Variants in NRG2 observed in about 807,000 individuals in gnomAD.
The protein encoded by NRG2 is pro-neuregulin-2, membrane-bound isoform.
A neutral mutation model predicts 73.9 loss-of-function variants in NRG2; 27 were observed. The observed-to-expected ratio is 0.37, with a 90% confidence interval of 0.27 to 0.50. The LOEUF is 0.50. Among genes scored for constraint, NRG2 ranks in the 20% least tolerant of loss-of-function variants. The pLI, the probability that NRG2 is intolerant of heterozygous loss-of-function variation, is 0.96. For synonymous variants in NRG2, 532 were observed against 541.0 expected (o/e 0.98, Z 0.23); for missense variants, 1,126 against 1,210.1 (o/e 0.93, Z 1.03).
intron 1 of NRG2, among the ~76,000 whole-genome samples, chr5:140,028,283 T>C (rs560112077): frequency 1.3e-5 from 2 of 152,384 alleles, no homozygotes; most frequent in Admixed American, 1.3e-4. Context: ...AGGAACTCTG[T>C]ACTATTTTTG....
intron 1 of NRG2, among the ~76,000 whole-genome samples, chr5:139,977,830 A>G (rs1369797494): frequency 6.6e-6 from 1 of 152,214 alleles, no homozygotes; most frequent in Non-Finnish European, 1.5e-5. Flanking sequence ...CCTGACAAAA[A>G]CAAGAAATGG....
chr5:139,926,074 C>T (rs1223475530), intron 1 of NRG2, among the ~76,000 whole-genome samples: 1 of 152,230 alleles, frequency 6.6e-6, no homozygotes, highest in East Asian at 1.9e-4. Flanking sequence ...GCCCCTAACA[C>T]AGCAACAGGG....
intron 3 of NRG2, among the ~76,000 whole-genome samples, chr5:139,872,105 G>A (rs1438931232): frequency 1.3e-5 from 2 of 152,204 alleles, no homozygotes; most frequent in East Asian, 3.8e-4. Flanking sequence ...TTCTTTTGTG[G>A]GGGGAGCAGG....
At chr5:140,034,646 A>G (rs1430729169) in intron 1 of NRG2, among the ~76,000 whole-genome samples, 2 of 152,226 alleles carry the variant, frequency 1.3e-5, no homozygotes, top group East Asian at 1.9e-4. Context: ...TCAGGTCACA[A>G]CATACAAAGT....
At chr5:140,015,355 A>G (rs1347645790) in intron 1 of NRG2, among the ~76,000 whole-genome samples, 2 of 152,138 alleles carry the variant, frequency 1.3e-5, no homozygotes, top group South Asian at 2.1e-4. Context: ...GATAAGCCCA[A>G]TGTAATGCCT....
chr5:140,011,911 A>G (rs1433295859), intron 1 of NRG2, among the ~76,000 whole-genome samples: 2 of 152,226 alleles, frequency 1.3e-5, no homozygotes, highest in African/African-American at 4.8e-5. Context: ...ACATTTCTTA[A>G]TACTTTCTTC....
chr5:139,876,683 C>T (rs753334531), intron 3 of NRG2, among the ~76,000 whole-genome samples: 4 of 152,008 alleles, frequency 2.6e-5, no homozygotes, highest in Admixed American at 6.6e-5. Flanking sequence ...ATGGAGAAAA[C>T]TTCTGCTTGT....
intron 1 of NRG2, among the ~76,000 whole-genome samples, chr5:140,011,114 G>C (rs1214600901): frequency 6.6e-6 from 1 of 152,198 alleles, no homozygotes; most frequent in Non-Finnish European, 1.5e-5. Context: ...AAAGAGTAAA[G>C]ACTAAACTTC....
At chr5:140,005,199 A>G (rs1188717612) in intron 1 of NRG2, among the ~76,000 whole-genome samples, 1 of 152,198 alleles carries the variant, frequency 6.6e-6, no homozygotes, top group Non-Finnish European at 1.5e-5. Flanking sequence ...AGCTTGAAGT[A>G]TCTGTCTTCC....
rs201360841 is a variant in NRG2, at chr5:139,881,033, C to T, written c.873-59G>A. On this transcript the variant is annotated intron_variant, in intron 2 of 9. Transcript: ENST00000361474. ...TGAGCCAGGGCCGGCTGTGGCTCCC[C>T]AGCAGTCACCCAGCGGTTGCCTCTC... The T allele has an allele frequency of 1.5e-3, 2,078 of 1,422,092 alleles. 1 individual carries two copies. Among genetic ancestry groups the T allele is most frequent in the Non-Finnish European group, 1.8e-3 (1,808 of 1,006,610 alleles). The allele number at this position is 1,422,092 out of a possible 1,614,324, so 88.1% of individuals were successfully genotyped here.
At chr5:139,882,126 G>C (rs997918700) in intron 2 of NRG2, among the ~76,000 whole-genome samples, 4 of 152,166 alleles carry the variant, frequency 2.6e-5, no homozygotes, top group Non-Finnish European at 5.9e-5. Flanking sequence ...ATGTGTAGTG[G>C]GCTGGAGAGA....
rs1581754955 is a variant in NRG2 at position 139,848,474 on chromosome 5, G to A, written c.1996C>T (p.Pro666Ser). 1.5e-6 allele frequency: 2 copies of A among 1,333,398 alleles called. No individual in the cohort carries two copies. Among genetic ancestry groups the A allele is most frequent in the African/African-American group, 1.7e-5 (1 of 58,860 alleles). 82.6% of individuals were successfully genotyped at this position (1,333,398 alleles called of 1,614,324 possible). A position where few individuals can be genotyped will look rare whatever the true frequency, so the allele number is the denominator to read the frequency against. ...TAGCTGCGCTGCATGTCTGCGCCGG[G>A]CCCGGGCCCGGGCCCGGGTCCGGGT... ...PGPGPGPGPG[P>S]GADMQRSYDS... Residue 666 changes from proline (P) to serine (S), a missense_variant, in exon 10 of 10, where the codon CCC (proline) becomes TCC (serine). Around this residue, in one of 3 missense-constraint regions of NRG2, gnomAD observed 402 missense variants for 357.8 expected, o/e 1.12. Coordinates refer to ENST00000361474, the MANE Select transcript of NRG2 (RefSeq NM_004883.3).
intron 1 of NRG2, among the ~76,000 whole-genome samples, chr5:139,938,156 T>C (rs545572108): frequency 6.6e-6 from 1 of 152,308 alleles, no homozygotes; most frequent in Non-Finnish European, 1.5e-5. Context: ...TACGTGTTCA[T>C]GGATGAGAAG....
rs758414686 is a variant in NRG2, at chr5:139,865,234, C to A, written c.1189+315G>T. 2.2e-5 allele frequency: 31 copies of A among 1,395,260 alleles called. No individual in the cohort carries two copies. Among genetic ancestry groups the A allele is most frequent in the Non-Finnish European group, 2.6e-5 (26 of 985,018 alleles). 86.4% of individuals were successfully genotyped at this position (1,395,260 alleles called of 1,614,324 possible). ...GGATAGCAAGACACAGGCATTGCAA[C>A]ACCCCGGCACGGGCTCCTGCCAATG... On this transcript the variant is annotated intron_variant, in intron 5 of 9. Transcript: ENST00000361474. This position sits in a 1 kb window ranked among gnomAD's most constrained non-coding sequence, Gnocchi z 5.2.
At chr5:139,927,952 G>A (rs1161581645) in intron 1 of NRG2, among the ~76,000 whole-genome samples, 2 of 151,950 alleles carry the variant, frequency 1.3e-5, no homozygotes, top group African/African-American at 4.8e-5. Context: ...GTCAAGATGT[G>A]GTCTTTACAG....
In NRG2 at chr5:139,963,878, GGTT is replaced by G. The variant is rs1385611619; in HGVS notation, c.701-76370_701-76368del. 2.0e-5 allele frequency among the ~76,000 whole-genome samples: 3 copies of G among 152,142 alleles called. No homozygotes were observed. In the East Asian group the frequency reaches 5.8e-4, roughly 29 times the overall value. ...AAGAATACTCAATCACAAGAGTTGG[GGTT>G]GTTCACATCCAGTAACTTGTCTTTG... On this transcript the variant is annotated intron_variant, in intron 1 of 9. Transcript: ENST00000361474.
intron 1 of NRG2, among the ~76,000 whole-genome samples, chr5:139,971,301 C>T (rs555817873): frequency 1.3e-3 from 198 of 152,260 alleles, no homozygotes; most frequent in African/African-American, 4.4e-3. Flanking sequence ...TTCCACTAGA[C>T]GGTAAGTCAT....
Position 140,038,228 on chromosome 5 carries a change from G to A in NRG2, c.700+4142C>T, listed in dbSNP as rs111529190. ...AGCACACTTGCTTTGATTAGGGGCC[G>A]AGAGGAAGTTAGTCACCTAGATTGT... On this transcript the variant is annotated intron_variant, in intron 1 of 9. Coordinates refer to ENST00000361474, the MANE Select transcript of NRG2 (RefSeq NM_004883.3). 9.0e-4 allele frequency among the ~76,000 whole-genome samples: 137 copies of A among 152,224 alleles called. 1 individual carries two copies. The highest frequency in any genetic ancestry group is 3.0e-3 in the African/African-American group (125 of 41,536).
chr5:139,972,596 C>T (rs546519371), intron 1 of NRG2, among the ~76,000 whole-genome samples: 14 of 152,178 alleles, frequency 9.2e-5, no homozygotes, highest in Middle Eastern at 6.8e-3. Context: ...ATGTGGCGTA[C>T]GCCTGTAATC....
Sources: allele counts gnomAD v4.1 joint callset (sites outside exome capture counted in the v4.1 genomes callset), GRCh38; gene constraint gnomAD v4.1.1; regional missense constraint gnomAD v4.1.1; non-coding constraint Gnocchi (gnomAD v3.1); transcripts MANE v1.5; gene names NCBI Gene and HGNC (gene_info 2026-07-23, HGNC 2026-07-21).